PRTG: variants seen among roughly 807,000 people sequenced by gnomAD.
The protein encoded by PRTG is immunoglobulin superfamily, DCC subclass, member 5.
A neutral mutation model predicts 122.5 loss-of-function variants in PRTG; 67 were observed. The ratio of observed to expected loss-of-function variants is 0.55; its 90% CI spans 0.45 to 0.67. The LOEUF is 0.67. Ranked by LOEUF, PRTG falls within the 30% of genes least tolerant of loss-of-function variation. PRTG has a pLI of 0.00. For synonymous variants in PRTG, 554 were observed against 501.1 expected (o/e 1.11, Z -1.41); for missense variants, 1,435 against 1,415.4 (o/e 1.01, Z -0.22).
At chr15:55,698,050 T>C (rs2059641372) in intron 2 of PRTG, among the ~76,000 whole-genome samples, 2 of 152,150 alleles carry the variant, frequency 1.3e-5, no homozygotes, top group African/African-American at 4.8e-5. Flanking sequence ...CAGTAACCAT[T>C]CCAACTTGCA....
intron 11 of PRTG, among the ~76,000 whole-genome samples, chr15:55,668,109 T>G (rs890065298): frequency 1.3e-5 from 2 of 152,320 alleles, no homozygotes; most frequent in East Asian, 3.9e-4. Flanking sequence ...AAATGCTGTA[T>G]AGTTTATTAT....
chr15:55,650,198 A>C (rs1395380683), intron 11 of PRTG, among the ~76,000 whole-genome samples: 1 of 152,200 alleles, frequency 6.6e-6, no homozygotes, highest in Admixed American at 6.5e-5. Context: ...CACGTTTGTC[A>C]GTGTTCTCAA....
At chr15:55,733,596 G>T (rs1420662777) in intron 2 of PRTG, among the ~76,000 whole-genome samples, 1 of 151,906 alleles carries the variant, frequency 6.6e-6, no homozygotes, top group Non-Finnish European at 1.5e-5. Flanking sequence ...GGAAACCAAG[G>T]TGGGAGGAAT....
At chr15:55,738,750 A>T in intron 2 of PRTG, 22 of 175,134 alleles carry the variant, frequency 1.3e-4, no homozygotes, top group Non-Finnish European at 2.4e-4. Context: ...AGGCAGGCAG[A>T]GGGAGGGAAG....
At chr15:55,662,878 CTT>C (rs2059417700) in intron 11 of PRTG, among the ~76,000 whole-genome samples, 1 of 152,212 alleles carries the variant, frequency 6.6e-6, no homozygotes, top group Non-Finnish European at 1.5e-5. Context: ...GGTCCACAGA[CTT>C]AACTTCCAAC....
At chr15:55,713,791 T>C (rs2030489969) in intron 2 of PRTG, among the ~76,000 whole-genome samples, 1 of 152,182 alleles carries the variant, frequency 6.6e-6, no homozygotes, top group African/African-American at 2.4e-5. Flanking sequence ...CTTTCATCTT[T>C]TGGTTACTAA....
chr15:55,740,072 G>T (rs2031559433), intron 2 of PRTG, among the ~76,000 whole-genome samples: 1 of 152,116 alleles, frequency 6.6e-6, no homozygotes, highest in African/African-American at 2.4e-5. Context: ...AACTTTTGTT[G>T]CGTTGGCCAA....
chr15:55,626,210 G>A (rs1455645267), intron 17 of PRTG, among the ~76,000 whole-genome samples: 1 of 152,132 alleles, frequency 6.6e-6, no homozygotes, highest in South Asian at 2.1e-4. Context: ...AAGGTCAGGA[G>A]TTCAAGACCA....
chr15:55,715,265 C>G (rs1002743677), intron 2 of PRTG, among the ~76,000 whole-genome samples: 1 of 152,152 alleles, frequency 6.6e-6, no homozygotes, highest in African/African-American at 2.4e-5. Flanking sequence ...TATGACAAAA[C>G]CCTTAAAAAG....
At chr15:55,642,180 CAAAA>C (rs761440348) in intron 11 of PRTG, among the ~76,000 whole-genome samples, 105 of 66,736 alleles carry the variant, frequency 1.6e-3, no homozygotes, top group Middle Eastern at 0.012. Flanking sequence ...GACTCCGTCT[CAAAA>C]AAAAAAAAAA....
chr15:55,715,512 A>G (rs1231486742), intron 2 of PRTG, among the ~76,000 whole-genome samples: 3 of 152,212 alleles, frequency 2.0e-5, no homozygotes, highest in Admixed American at 6.5e-5. Context: ...AGCATTTGCA[A>G]AAGTGACCTC....
At chr15:55,633,789 T>C (rs920354649) in intron 15 of PRTG, among the ~76,000 whole-genome samples, 1 of 152,234 alleles carries the variant, frequency 6.6e-6, no homozygotes, top group Non-Finnish European at 1.5e-5. Context: ...TTATTTGTTC[T>C]CTATGAATCA....
At chr15:55,633,097 C>G (rs553757907) in intron 15 of PRTG, among the ~76,000 whole-genome samples, 6 of 152,226 alleles carry the variant, frequency 3.9e-5, no homozygotes, top group African/African-American at 1.4e-4. Context: ...AGAGGGGCAT[C>G]TTTATGATAT....
At position 55,673,518 on chromosome 15, in the gene PRTG, G is replaced by C; in HGVS notation, c.1705C>G (p.Leu569Val). Residue 569 changes from leucine (L) to valine (V), a missense_variant, in exon 10 of 20, where the codon CTC becomes GTC. By Grantham distance (32) the Leu-to-Val change is conservative. Transcript: ENST00000389286. ...AGGTACTCATGCGTGGTCCCCGGGA[G>C]CTCCAGAACTTGGATTGAATTCTCA... is the stretch of plus-strand genomic sequence containing the variant. ...STENSIQVLELPGTTHEYLLE... is the reference protein window; with the variant it reads ...STENSIQVLEVPGTTHEYLLE... 1.2e-6 allele frequency: 2 copies of C among 1,614,126 alleles called. No individual in the cohort carries two copies. The highest frequency in any genetic ancestry group is 1.3e-5 in the African/African-American group (1 of 75,028).
At chr15:55,680,447 A>T (rs1320885240) in intron 5 of PRTG, 44 bp downstream of exon 5, 1 of 1,534,052 alleles carries the variant, frequency 6.5e-7, no homozygotes, top group Non-Finnish European at 8.7e-7. Context: ...GAATGAACAA[A>T]ATTTAAGGAA....
At chr15:55,654,070 C>A (rs75574042) in intron 11 of PRTG, among the ~76,000 whole-genome samples, 1 of 152,102 alleles carries the variant, frequency 6.6e-6, no homozygotes, top group Non-Finnish European at 1.5e-5. Flanking sequence ...AAAACTAATA[C>A]GAAAGTGAGA....
rs1233994750 is a variant in PRTG at position 55,736,465 on chromosome 15, C to T, written c.397+3917G>A. 2.5e-4 allele frequency among the ~76,000 whole-genome samples: 38 copies of T among 151,580 alleles called. 2 individuals carry two copies. The highest frequency in any genetic ancestry group is 2.5e-3 in the Admixed American group (38 of 15,186). ...CAAAGACTTGGTATTATAATTTATG[C>T]ATTACTTTTTAATACGCAAGCCTCA... is the stretch of plus-strand genomic sequence containing the variant. On this transcript the variant is annotated intron_variant, in intron 2 of 19. Transcript: ENST00000389286.
chr15:55,651,459 G>A (rs936508036), intron 11 of PRTG, among the ~76,000 whole-genome samples: 38 of 152,142 alleles, frequency 2.5e-4, no homozygotes, highest in Admixed American at 9.2e-4. Flanking sequence ...AAGCTAAAAA[G>A]CTCGCTGAGT....
Position 55,641,539 on chromosome 15 carries a change from GAT to G in PRTG, c.2042-333_2042-332del, listed in dbSNP as rs1338838333. Reference sequence around the variant, plus strand: ...GATTTTAAAAGCCTTCAGTTTGCTTGATGGATCACTTGCAAGAGGTTACACTT... The same window carrying G: ...GATTTTAAAAGCCTTCAGTTTGCTTGGGATCACTTGCAAGAGGTTACACTT... On this transcript the variant is annotated intron_variant, in intron 11 of 19. Transcript: ENST00000389286. 3.9e-5 allele frequency among the ~76,000 whole-genome samples: 6 copies of G among 152,272 alleles called. No individual in the cohort carries two copies. In the East Asian group the frequency reaches 1.2e-3, roughly 29 times the overall value.
Sources: gnomAD v4.1 joint callset for allele counts (sites outside exome capture counted in the v4.1 genomes callset) on GRCh38, gnomAD v4.1.1 for gene constraint, MANE v1.5 for transcripts, NCBI Gene and HGNC (gene_info 2026-07-23, HGNC 2026-07-21) for gene names.